WDFY3: variants seen among roughly 807,000 people sequenced by gnomAD.
The protein encoded by WDFY3 is WD repeat and FYVE domain-containing protein 3.
In WDFY3, 66 loss-of-function variants were observed where a neutral mutation model predicts 409.6. That is an observed-to-expected ratio of 0.16 (90% CI 0.13 to 0.20). The LOEUF (loss-of-function observed/expected upper bound fraction) is 0.20, where lower values mean the gene tolerates loss of function less well. WDFY3 is among the 10% of genes least tolerant of loss of function. The pLI, the probability that WDFY3 is intolerant of heterozygous loss-of-function variation, is 1.00. For missense variants in WDFY3, 3,031 were observed against 4,298.1 expected, an observed-to-expected ratio of 0.71 and a Z score of 8.24; for synonymous variants, 1,521 against 1,537.1, an observed-to-expected ratio of 0.99 and a Z score of 0.25.
At chr4:84,824,280 TTTA>T (rs1447527562) in intron 10 of WDFY3, among the ~76,000 whole-genome samples, 1 of 152,162 alleles carries the variant, frequency 6.6e-6, no homozygotes, top group Non-Finnish European at 1.5e-5. Context: ...TTACATAACT[TTTA>T]TTATTGTGTA....
At chr4:84,677,174 T>G (rs769467838) in intron 67 of WDFY3, 25 bp downstream of exon 67, 4 of 1,613,446 alleles carry the variant, frequency 2.5e-6, no homozygotes, top group Non-Finnish European at 3.4e-6. Flanking sequence ...CAATGTAAAT[T>G]CAAAAAGCAG....
intron 3 of WDFY3, among the ~76,000 whole-genome samples, chr4:84,875,199 T>C (rs1339603015): frequency 6.7e-6 from 1 of 149,134 alleles, no homozygotes; most frequent in African/African-American, 2.5e-5. Context: ...ACCCAGGAGG[T>C]GGAAGTTGCA....
At chr4:84,879,069 T>G (rs141687809) in intron 3 of WDFY3, among the ~76,000 whole-genome samples, 1 of 152,314 alleles carries the variant, frequency 6.6e-6, no homozygotes, top group East Asian at 1.9e-4. Flanking sequence ...ATGGCTGCAA[T>G]GGACTAGAGA....
At chr4:84,861,968 T>G (rs932519552) in intron 3 of WDFY3, among the ~76,000 whole-genome samples, 1 of 152,228 alleles carries the variant, frequency 6.6e-6, no homozygotes, top group Non-Finnish European at 1.5e-5. Context: ...TTTTAATCCA[T>G]AGAAAAGCAG....
intron 3 of WDFY3, among the ~76,000 whole-genome samples, chr4:84,888,766 T>C (rs899928064): frequency 4.6e-5 from 7 of 151,990 alleles, no homozygotes; most frequent in Middle Eastern, 3.2e-3. Context: ...AAACTACAAA[T>C]AGCTTGGGAC....
At chr4:84,814,534 ACAC>A in intron 13 of WDFY3, among the ~76,000 whole-genome samples, 1 of 152,216 alleles carries the variant, frequency 6.6e-6, no homozygotes, top group African/African-American at 2.4e-5. Context: ...ATGAAATCTC[ACAC>A]TGCCCCACAC....
At position 84,721,400 on chromosome 4, in the gene WDFY3, G is replaced by A. The variant is rs138239988; in HGVS notation, c.7605+9C>T. On this transcript the variant is annotated intron_variant, in intron 47 of 67. Transcript: ENST00000295888. ...TATTTACAATCCTTACTTTTCAGAA[G>A]CACAATACCTTTTCTCCTTCCTCTA... is the stretch of plus-strand genomic sequence containing the variant. 6.2e-7 allele frequency: 1 copy of A among 1,612,976 alleles called. No individual in the cohort carries two copies. The highest frequency in any genetic ancestry group is 1.7e-5 in the Admixed American group (1 of 59,968).
At chr4:84,708,263 A>G (rs1335709644) in intron 53 of WDFY3, among the ~76,000 whole-genome samples, 1 of 152,192 alleles carries the variant, frequency 6.6e-6, no homozygotes, top group Non-Finnish European at 1.5e-5. Context: ...ATATGGCAGG[A>G]ACATTTTGTA....
intron 32 of WDFY3, 122 bp downstream of exon 32, chr4:84,765,688 T>C (rs1031658791): frequency 2.7e-6 from 2 of 749,954 alleles, no homozygotes; most frequent in East Asian, 2.7e-5. Context: ...CCTTCTATCA[T>C]TAATTAAAAT....
intron 33 of WDFY3, 112 bp downstream of exon 33, chr4:84,756,814 A>C (rs1741546293): frequency 8.1e-7 from 1 of 1,230,006 alleles, no homozygotes; most frequent in Non-Finnish European, 1.1e-6. Context: ...TCAAACCTTA[A>C]ATGTGGGGAA....
intron 2 of WDFY3, among the ~76,000 whole-genome samples, chr4:84,911,352 T>C (rs1312086233): frequency 6.6e-6 from 1 of 152,116 alleles, no homozygotes; most frequent in African/African-American, 2.4e-5. Context: ...GCTGAGCATG[T>C]GGCATACGAC....
At chr4:84,899,701 A>G (rs565241146) in intron 2 of WDFY3, among the ~76,000 whole-genome samples, 17 of 152,222 alleles carry the variant, frequency 1.1e-4, no homozygotes, top group African/African-American at 3.9e-4. Flanking sequence ...TACTTCATCC[A>G]GTCCTCTACA....
At chr4:84,930,381 GATA>G (rs1462440737) in intron 2 of WDFY3, among the ~76,000 whole-genome samples, 1 of 152,084 alleles carries the variant, frequency 6.6e-6, no homozygotes, top group Non-Finnish European at 1.5e-5. Context: ...AATTGATGAT[GATA>G]ATAATAATGA....
intron 24 of WDFY3, among the ~76,000 whole-genome samples, chr4:84,784,849 A>G (rs905483974): frequency 1.7e-5 from 2 of 116,742 alleles, no homozygotes; most frequent in African/African-American, 3.3e-5. Flanking sequence ...AAAAAAAAAA[A>G]GTGTATATGT....
In WDFY3 at chr4:84,705,524, A is replaced by T; in HGVS notation, c.8218-13T>A. The T allele has an allele frequency of 6.3e-7, 1 of 1,598,514 alleles. No homozygotes were observed. Among genetic ancestry groups the T allele is most frequent in the Non-Finnish European group, 8.6e-7 (1 of 1,166,068 alleles). On this transcript the variant is annotated splice_polypyrimidine_tract_variant and intron_variant, in intron 53 of 67. Transcript: ENST00000295888. Reference sequence around the variant, plus strand: ...TAAGATCCACCTCCTAAAATACAAAATGTAACTCAATTCCAAGTTACTATA... The same window carrying T: ...TAAGATCCACCTCCTAAAATACAAATTGTAACTCAATTCCAAGTTACTATA...
intron 1 of WDFY3, among the ~76,000 whole-genome samples, chr4:84,950,167 A>G (rs995824882): frequency 1.3e-5 from 2 of 151,718 alleles, no homozygotes; most frequent in African/African-American, 4.8e-5. Context: ...CAAACACCAC[A>G]TGTTCTCATT....
chr4:84,725,230 C>A (rs1735477537), intron 45 of WDFY3, among the ~76,000 whole-genome samples: 1 of 152,186 alleles, frequency 6.6e-6, no homozygotes, highest in Non-Finnish European at 1.5e-5. Context: ...AAGCTGCTAT[C>A]TCCAATTTGC....
intron 2 of WDFY3, among the ~76,000 whole-genome samples, chr4:84,907,968 G>C (rs973157937): frequency 1.3e-5 from 2 of 152,158 alleles, no homozygotes; most frequent in Non-Finnish European, 2.9e-5. Context: ...AAGGGGGAAA[G>C]AGTGGGTGTA....
At chr4:84,724,629 T>C (rs1735362393) in intron 45 of WDFY3, 35 bp from the exon 46 acceptor site, 5 of 1,597,704 alleles carry the variant, frequency 3.1e-6, no homozygotes, top group Non-Finnish European at 4.3e-6. Context: ...CTCCGATAAC[T>C]ATCACCAAGA....
Sources: allele counts gnomAD v4.1 joint callset (sites outside exome capture counted in the v4.1 genomes callset), GRCh38; gene constraint gnomAD v4.1.1; transcripts MANE v1.5; gene names NCBI Gene and HGNC (gene_info 2026-07-23, HGNC 2026-07-21).